The following SLC24A4 variants were observed in gnomAD, a reference collection of about 807,000 sequenced individuals.
SLC24A4 encodes sodium/potassium/calcium exchanger 4.
SLC24A4 carries 53 observed loss-of-function variants against 79.0 expected under a neutral mutation model. That is an observed-to-expected ratio of 0.67 (90% confidence interval 0.54 to 0.84). The LOEUF is 0.84. Ranked by LOEUF, SLC24A4 falls within the 40% of genes least tolerant of loss-of-function variation. The probability of loss-of-function intolerance (pLI) is 0.00; values close to 1 mark genes in which losing one functional copy is unlikely to be tolerated. For missense variants in SLC24A4, 731 were observed against 822.0 expected (o/e 0.89, Z 1.35); for synonymous variants, 323 against 323.8 (o/e 1.00, Z 0.03).
At chr14:92,370,204 AC>A (rs1315534435) in intron 2 of SLC24A4, among the ~76,000 whole-genome samples, 1 of 152,234 alleles carries the variant, frequency 6.6e-6, no homozygotes, top group Non-Finnish European at 1.5e-5. Flanking sequence ...CAGTTGAAGA[AC>A]CCAAAAAAGG....
chr14:92,406,768 A>G (rs1890404948), intron 2 of SLC24A4, among the ~76,000 whole-genome samples: 1 of 151,330 alleles, frequency 6.6e-6, no homozygotes, highest in Non-Finnish European at 1.5e-5. Context: ...CTATGAAACC[A>G]CTTTTCCCTC....
At chr14:92,346,768 G>A (rs1291504617) in intron 2 of SLC24A4, among the ~76,000 whole-genome samples, 1 of 152,190 alleles carries the variant, frequency 6.6e-6, no homozygotes, top group Admixed American at 6.5e-5. Flanking sequence ...CTGTGACCCA[G>A]ACAGATTAAA....
rs549818417 is a variant in SLC24A4, at chr14:92,432,117, A to G, written c.242-1795A>G. On this transcript the variant is annotated intron_variant, in intron 2 of 16. Coordinates refer to ENST00000532405, the MANE Select transcript of SLC24A4 (RefSeq NM_153646.4). ...GGCACAGGCAGCCGGGAACTCTGCC[A>G]GTGACCACTGTCTTTGCTGGCAAAA... Among the ~76,000 whole-genome samples, 7 of 152,220 alleles carry G rather than the reference A, an allele frequency of 4.6e-5. No individual in the cohort carries two copies. In the South Asian group the frequency reaches 8.3e-4, roughly 18 times the overall value.
At chr14:92,351,915 G>GAAGGAAAGGAAAGGAAAGGGAAAGA (rs1555361027) in intron 2 of SLC24A4, among the ~76,000 whole-genome samples, 9 of 140,386 alleles carry the variant, frequency 6.4e-5, no homozygotes, top group African/African-American at 1.6e-4. Context: ...GGAAGGAAAG[G>GAAGGAAAGGAAAGGAAAGGGAAAGA]AAGGAAAGGA....
At chr14:92,492,959 AACACACACACACACAC>A (rs551206469) in intron 16 of SLC24A4, 49,725 of 297,934 alleles carry the variant, frequency 0.17, 3,773 homozygotes, top group Admixed American at 0.19. Flanking sequence ...CTCTACCCCA[AACACACACACACACAC>A]ACACACACAC....
intron 2 of SLC24A4, among the ~76,000 whole-genome samples, chr14:92,361,674 GACAA>G (rs1887532934): frequency 6.6e-6 from 1 of 152,182 alleles, no homozygotes; most frequent in African/African-American, 2.4e-5. Context: ...TGTTTGGTGG[GACAA>G]ACAAAGCAGG....
At chr14:92,417,271 C>T (rs577212953) in intron 2 of SLC24A4, among the ~76,000 whole-genome samples, 13 of 152,194 alleles carry the variant, frequency 8.5e-5, no homozygotes, top group African/African-American at 3.1e-4. Flanking sequence ...TAGTCCTGAC[C>T]CTCTGTAGGT....
intron 2 of SLC24A4, among the ~76,000 whole-genome samples, chr14:92,351,236 G>GCGCGCGCACACACACACA (rs112120101): frequency 2.3e-4 from 34 of 146,984 alleles, no homozygotes; most frequent in Non-Finnish European, 3.2e-4. Flanking sequence ...ACACATACAC[G>GCGCGCGCACACACACACA]CACACACACA....
At position 92,443,431 on chromosome 14, in the gene SLC24A4, G is replaced by A. The variant is rs555903099; in HGVS notation, c.614G>A (p.Arg205Gln). The change falls in exon 7 of 17, where the codon CGA becomes CAA. Residue 205 changes from arginine (R) to glutamine (Q), a missense_variant. By Grantham distance (43) the Arg-to-Gln change is conservative (BLOSUM62 1). Coordinates refer to ENST00000532405, the MANE Select transcript of SLC24A4 (RefSeq NM_153646.4). Reference protein sequence around the residue: ...VVRLTWWAVCRDSVYYTISVI... With the variant: ...VVRLTWWAVCQDSVYYTISVI... Reference sequence around the variant, plus strand: ...CGTCTGACGTGGTGGGCCGTGTGCCGAGACTCCGTGTACTACACCATCTCT... The same window carrying A: ...CGTCTGACGTGGTGGGCCGTGTGCCAAGACTCCGTGTACTACACCATCTCT... 19 of 1,614,142 alleles carry A rather than the reference G, an allele frequency of 1.2e-5. No homozygotes were observed. Among genetic ancestry groups the A allele is most frequent in the African/African-American group, 5.3e-5 (4 of 75,044 alleles).
At chr14:92,391,059 AG>A (rs1889432590) in intron 2 of SLC24A4, among the ~76,000 whole-genome samples, 1 of 152,178 alleles carries the variant, frequency 6.6e-6, no homozygotes, top group Admixed American at 6.5e-5. Context: ...CTGGGCTCCC[AG>A]GGTCTGCAAG....
chr14:92,366,791 G>A (rs1219759978), intron 2 of SLC24A4, among the ~76,000 whole-genome samples: 5 of 152,154 alleles, frequency 3.3e-5, no homozygotes, highest in Admixed American at 6.5e-5. Flanking sequence ...GTGGGTTTTC[G>A]CAAGTGTTTT....
intron 2 of SLC24A4, among the ~76,000 whole-genome samples, chr14:92,338,954 T>A (rs1166245084): frequency 6.6e-6 from 1 of 152,218 alleles, no homozygotes; most frequent in African/African-American, 2.4e-5. Context: ...GAATGATGAC[T>A]GGATGGACAG....
intron 2 of SLC24A4, among the ~76,000 whole-genome samples, chr14:92,399,963 C>T (rs1276056118): frequency 1.3e-5 from 2 of 152,020 alleles, no homozygotes; most frequent in African/African-American, 2.4e-5. Context: ...GCTCATAGCT[C>T]ACAGCAGCCT....
At chr14:92,367,957 A>T (rs1203977713) in intron 2 of SLC24A4, among the ~76,000 whole-genome samples, 1 of 152,254 alleles carries the variant, frequency 6.6e-6, no homozygotes, top group Non-Finnish European at 1.5e-5. Flanking sequence ...ATTTTTTAAA[A>T]AGTTAAACAC....
rs554962666 is a variant in SLC24A4 at position 92,360,213 on chromosome 14, C to T, written c.241+34235C>T. 1.9e-3 allele frequency among the ~76,000 whole-genome samples: 282 copies of T among 152,206 alleles called. 1 individual carries two copies. The highest frequency in any genetic ancestry group is 5.2e-3 in the South Asian group (25 of 4,814). ...CTGAGATTACAGGCATGAGCCACTG[C>T]GCCTAGCCTGTGTTTTAGTTTTTAA... is the stretch of plus-strand genomic sequence containing the variant. On this transcript the variant is annotated intron_variant, in intron 2 of 16. Coordinates refer to ENST00000532405, the MANE Select transcript of SLC24A4 (RefSeq NM_153646.4).
Position 92,482,828 on chromosome 14 carries a change from C to A in SLC24A4, c.1404C>A (p.Ser468=). The part of the protein sequence containing the change: ...ITATLWIAVF[S]YIMVWLVTII... ...CCACGCTGTGGATCGCTGTGTTCTCCTACATCATGGTGTGGCTGGTGAGTG... is the reference window on the plus strand; with the variant it reads ...CCACGCTGTGGATCGCTGTGTTCTCATACATCATGGTGTGGCTGGTGAGTG... The change falls in exon 13 of 17, where the codon TCC becomes TCA. Residue 468 remains serine (S), a synonymous_variant. Coordinates refer to ENST00000532405, the MANE Select transcript of SLC24A4 (RefSeq NM_153646.4). The A allele has an allele frequency of 6.2e-7, 1 of 1,612,716 alleles. No individual in the cohort carries two copies. The highest frequency in any genetic ancestry group is 8.5e-7 in the Non-Finnish European group (1 of 1,179,106).
At chr14:92,349,739 C>T (rs765514868) in intron 2 of SLC24A4, among the ~76,000 whole-genome samples, 1 of 152,190 alleles carries the variant, frequency 6.6e-6, no homozygotes, top group Non-Finnish European at 1.5e-5. Flanking sequence ...ATAATATAAG[C>T]TCTGAATTTT....
intron 2 of SLC24A4, among the ~76,000 whole-genome samples, chr14:92,399,738 C>G (rs1889992501): frequency 6.6e-6 from 1 of 152,124 alleles, no homozygotes; most frequent in African/African-American, 2.4e-5. Context: ...GAGTTTTTGT[C>G]AGATTGGATA....
intron 2 of SLC24A4, among the ~76,000 whole-genome samples, chr14:92,356,422 C>T (rs1434152838): frequency 2.0e-5 from 3 of 152,142 alleles, no homozygotes; most frequent in East Asian, 3.9e-4. Flanking sequence ...AGCGTGCCAC[C>T]ATGAGGACTG....
Sources: gnomAD v4.1 joint callset for allele counts (sites outside exome capture counted in the v4.1 genomes callset) on GRCh38, gnomAD v4.1.1 for gene constraint, MANE v1.5 for transcripts, NCBI Gene and HGNC (gene_info 2026-07-23, HGNC 2026-07-21) for gene names.